The following MRM3 variants were observed in gnomAD, a reference collection of about 807,000 sequenced individuals.
The protein encoded by MRM3 is rRNA methyltransferase 3, mitochondrial.
A neutral mutation model predicts 29.4 loss-of-function variants in MRM3; 26 were observed. The observed-to-expected ratio is 0.89, with a 90% CI of 0.65 to 1.23. The LOEUF (loss-of-function observed/expected upper bound fraction) is 1.23, where lower values mean the gene tolerates loss of function less well. Among genes scored for constraint, MRM3 ranks in the 50% most tolerant of loss-of-function variants. The pLI, the probability that MRM3 is intolerant of heterozygous loss-of-function variation, is 0.00. For synonymous variants in MRM3, 225 were observed against 219.0 expected, an observed-to-expected ratio of 1.03 and a Z score of -0.24; for missense variants, 578 against 540.2, an observed-to-expected ratio of 1.07 and a Z score of -0.69.
At chr17:791,458 T>C in intron 3 of MRM3, 76 bp from the exon 4 acceptor site, 2 of 1,463,116 alleles carry the variant, frequency 1.4e-6, no homozygotes, top group East Asian at 2.3e-5. Flanking sequence ...TGATCCAAAA[T>C]TGATCAGACT....
At position 787,953 on chromosome 17, in the gene MRM3, T is replaced by G. The variant is rs1010666440; in HGVS notation, c.560-12T>G. 1 of 1,613,002 alleles carries G rather than the reference T, an allele frequency of 6.2e-7. No individual in the cohort carries two copies. The highest frequency in any genetic ancestry group is 8.5e-7 in the Non-Finnish European group (1 of 1,179,936). Reference sequence around the variant, plus strand: ...ACACCAGGCAAGTAAACCACCTGTTTTGTTTCCTCAGGGATTTTTGCCAAG... The same window carrying G: ...ACACCAGGCAAGTAAACCACCTGTTGTGTTTCCTCAGGGATTTTTGCCAAG... On this transcript the variant is annotated splice_polypyrimidine_tract_variant and intron_variant, in intron 2 of 3. Transcript: ENST00000304478. This position sits in a 1 kb window ranked among gnomAD's most constrained non-coding sequence, Gnocchi z 4.1.
intron 3 of MRM3, 89 bp downstream of exon 3, chr17:788,221 A>C: frequency 7.7e-7 from 1 of 1,306,254 alleles, no homozygotes; most frequent in South Asian, 1.3e-5. Flanking sequence ...TGAGCCCAGG[A>C]GTTCAGGACC....
chr17:782,749 G>T, intron 1 of MRM3, 57 bp downstream of exon 1: 1 of 1,528,840 alleles, frequency 6.5e-7, no homozygotes, highest in Non-Finnish European at 8.8e-7. Context: ...TCGCACAGCG[G>T]AACCTTAACC....
rs148368490 is a variant in MRM3 at position 791,914 on chromosome 17, G to T, written c.1108G>T (p.Ala370Ser). ...CGTGAGCCTGGAGTCCCTGCAGCTG[G>T]CCGAGAGCACTGGTGGCAAGAGGCT... ...YGVSLESLQLAESTGGKRLLI... is the reference protein window; with the variant it reads ...YGVSLESLQLSESTGGKRLLI... Residue 370 changes from alanine (A) to serine (S), a missense_variant, in exon 4 of 4, where the codon GCC becomes TCC. Physicochemically the swap from Ala to Ser is moderately conservative, Grantham distance 99. Transcript: ENST00000304478. 66 of 1,614,008 alleles carry T rather than the reference G, an allele frequency of 4.1e-5. No homozygotes were observed. Among genetic ancestry groups the T allele is most frequent in the Non-Finnish European group, 4.7e-5 (55 of 1,180,042 alleles).
chr17:790,631 A>G (rs1910757420), intron 3 of MRM3: 1 of 121,528 alleles, frequency 8.2e-6, no homozygotes, highest in South Asian at 1.9e-4. Context: ...CCACAGCACC[A>G]CCAGTGATTG....
At chr17:791,482 C>T (rs1910814894) in intron 3 of MRM3, 52 bp from the exon 4 acceptor site, 16 of 1,566,334 alleles carry the variant, frequency 1.0e-5, no homozygotes, top group African/African-American at 1.4e-5. Context: ...TCCACAGTCC[C>T]CTGGTCTGGG....
intron 2 of MRM3, 39 bp downstream of exon 2, chr17:783,366 T>C (rs771247740): frequency 2.0e-6 from 3 of 1,538,244 alleles, no homozygotes; most frequent in Non-Finnish European, 2.6e-6. Context: ...TTTTTTTGTC[T>C]TGTTCTGTCA....
At chr17:786,417 GCGCCCGTCACCA>G (rs904014429) in intron 2 of MRM3, among the ~76,000 whole-genome samples, 25 of 152,348 alleles carry the variant, frequency 1.6e-4, no homozygotes, top group East Asian at 1.3e-3. Flanking sequence ...GGGACTACAG[GCGCCCGTCACCA>G]CGCCCGGCTA....
intron 2 of MRM3, among the ~76,000 whole-genome samples, chr17:786,103 T>G (rs913317208): frequency 3.3e-5 from 5 of 152,132 alleles, no homozygotes; most frequent in African/African-American, 4.8e-5. Flanking sequence ...AGGTTTTGTT[T>G]TGTTTTGTTT....
chr17:790,085 G>A (rs1910720173), intron 3 of MRM3: 1 of 152,342 alleles, frequency 6.6e-6, no homozygotes, highest in Non-Finnish European at 1.5e-5. Context: ...CGTCTATCCC[G>A]AGGTTTGACA....
chr17:791,661 T>C lies in MRM3; in HGVS notation c.855T>C (p.Tyr285=). ...PNYLPPDTRV[Y]VADNCGLYAQ... Reference sequence around the variant, plus strand: ...ACCTGCCCCCTGACACTCGGGTCTATGTGGCTGACAACTGTGGCCTTTATG... The same window carrying C: ...ACCTGCCCCCTGACACTCGGGTCTACGTGGCTGACAACTGTGGCCTTTATG... Residue 285 remains tyrosine (Y), a synonymous_variant, in exon 4 of 4, where the codon TAT becomes TAC. Coordinates refer to ENST00000304478, the MANE Select transcript of MRM3 (RefSeq NM_018146.4). 6.2e-7 allele frequency: 1 copy of C among 1,614,220 alleles called. No individual in the cohort carries two copies. The highest frequency in any genetic ancestry group is 8.5e-7 in the Non-Finnish European group (1 of 1,180,036).
Position 782,360 on chromosome 17 carries a change from AG to A in MRM3, c.-18del. 6.2e-7 allele frequency: 1 copy of A among 1,613,236 alleles called. No homozygotes were observed. Among genetic ancestry groups the A allele is most frequent in the Non-Finnish European group, 8.5e-7 (1 of 1,179,644 alleles). ...CGCCGACGGCGCGCTTTCGTGACGCAGCCCGGGTCTCAGGGAACATGGCGGC... is the reference window on the plus strand; with the variant it reads ...CGCCGACGGCGCGCTTTCGTGACGCACCCGGGTCTCAGGGAACATGGCGGC... On this transcript the variant is annotated 5_prime_UTR_variant, in exon 1 of 4. Transcript: ENST00000304478.
chr17:792,418 A>G lies in MRM3; in HGVS notation c.*349A>G. Reference sequence around the variant, plus strand: ...GCTCCACCAGCTGGTGGGTGTTTGTAATCGCCAAGCACCAGCTATAGGTCA... The same window carrying G: ...GCTCCACCAGCTGGTGGGTGTTTGTGATCGCCAAGCACCAGCTATAGGTCA... On this transcript the variant is annotated 3_prime_UTR_variant, in exon 4 of 4. Coordinates refer to ENST00000304478, the MANE Select transcript of MRM3 (RefSeq NM_018146.4). 3.9e-6 allele frequency: 1 copy of G among 253,696 alleles called. No individual in the cohort carries two copies. The highest frequency in any genetic ancestry group is 7.6e-6 in the Non-Finnish European group (1 of 131,616). 15.7% of individuals were successfully genotyped at this position (253,696 alleles called of 1,614,324 possible).
intron 3 of MRM3, 109 bp from the exon 4 acceptor site, chr17:791,425 C>A: frequency 8.9e-7 from 1 of 1,129,462 alleles, no homozygotes; most frequent in Non-Finnish European, 1.2e-6. Flanking sequence ...AGAAAGCTAT[C>A]ATAGAAGAAC....
intron 2 of MRM3, among the ~76,000 whole-genome samples, chr17:784,810 C>T (rs73975522): frequency 0.014 from 2,106 of 152,256 alleles, 50 homozygotes; most frequent in African/African-American, 0.048. Context: ...AAGTAAAGGA[C>T]TTCTAAGGTC....
intron 2 of MRM3, among the ~76,000 whole-genome samples, chr17:785,420 A>G (rs1280068300): frequency 6.6e-6 from 1 of 152,150 alleles, no homozygotes; most frequent in Non-Finnish European, 1.5e-5. Flanking sequence ...TATATAATGT[A>G]TATATAATTT....
At position 792,233 on chromosome 17, in the gene MRM3, G is replaced by C; in HGVS notation, c.*164G>C. On this transcript the variant is annotated 3_prime_UTR_variant, in exon 4 of 4. Coordinates refer to ENST00000304478, the MANE Select transcript of MRM3 (RefSeq NM_018146.4). ...AATAAGAACTTCCTCAGAAAGAACA[G>C]GTCCGAATTCTTCCTGTCGCGTCAC... 1 of 671,094 alleles carries C rather than the reference G, an allele frequency of 1.5e-6. No individual in the cohort carries two copies. 41.6% of individuals were successfully genotyped at this position (671,094 alleles called of 1,614,324 possible). A position where few individuals can be genotyped will look rare whatever the true frequency, so the allele number is the denominator to read the frequency against.
Position 782,707 on chromosome 17 carries a change from G to C in MRM3, c.314+15G>C, listed in dbSNP as rs373109228. ...AGGAGGCTGAGGTGATGTGGTTCTT[G>C]AGCCTGTCGAATGTTCTCGTTTCCC... On this transcript the variant is annotated intron_variant, in intron 1 of 3. Transcript: ENST00000304478. 1 of 1,579,948 alleles carries C rather than the reference G, an allele frequency of 6.3e-7. No individual in the cohort carries two copies. The highest frequency in any genetic ancestry group is 8.6e-7 in the Non-Finnish European group (1 of 1,158,570).
chr17:792,073 C>T lies in MRM3; in HGVS notation c.*4C>T, dbSNP rs1210887978. 2.5e-6 allele frequency: 4 copies of T among 1,579,966 alleles called. No homozygotes were observed. Among genetic ancestry groups the T allele is most frequent in the Admixed American group, 1.8e-5 (1 of 57,030 alleles). ...CAGGGACAGGAGTTACCACTGAGGA[C>T]GCAGAAGTGACTTCTGCTTGAGGAC... is the stretch of plus-strand genomic sequence containing the variant. On this transcript the variant is annotated 3_prime_UTR_variant, in exon 4 of 4. Coordinates refer to ENST00000304478, the MANE Select transcript of MRM3 (RefSeq NM_018146.4).
Sources: allele counts gnomAD v4.1 joint callset (sites outside exome capture counted in the v4.1 genomes callset), GRCh38; gene constraint gnomAD v4.1.1; non-coding constraint Gnocchi (gnomAD v3.1); transcripts MANE v1.5; gene names NCBI Gene and HGNC (gene_info 2026-07-23, HGNC 2026-07-21).